Variants in RAD21 observed in about 807,000 individuals in gnomAD.
RAD21 encodes RAD21 cohesin complex component, also known as double-strand-break repair protein rad21 homolog.
A neutral mutation model predicts 71.5 loss-of-function variants in RAD21; 18 were observed. The ratio of observed to expected loss-of-function variants is 0.25; its 90% CI spans 0.17 to 0.37. RAD21 has a LOEUF of 0.37. RAD21 is among the 10% of genes least tolerant of loss of function. The probability of loss-of-function intolerance (pLI) is 1.00; values close to 1 mark genes in which losing one functional copy is unlikely to be tolerated. For missense variants in RAD21, 493 were observed against 769.1 expected (o/e 0.64, Z 4.25); for synonymous variants, 248 against 254.0 (o/e 0.98, Z 0.22).
chr8:116,861,729 T>G (rs916812772), intron 4 of RAD21, 112 bp downstream of exon 4: 7 of 668,376 alleles, frequency 1.0e-5, no homozygotes, highest in Non-Finnish European at 1.8e-5. Flanking sequence ...AATATATATA[T>G]GCATTTTAGC....
intron 3 of RAD21, among the ~76,000 whole-genome samples, chr8:116,862,323 T>C (rs899799358): frequency 3.3e-5 from 5 of 152,112 alleles, no homozygotes; most frequent in South Asian, 2.1e-4. Flanking sequence ...TTTCTTTATC[T>C]TTTTCCTATA....
At position 116,856,288 on chromosome 8, in the gene RAD21, A is replaced by G. The variant is rs752628932; in HGVS notation, c.815T>C (p.Met272Thr). The G allele has an allele frequency of 5.2e-6, 7 of 1,354,842 alleles. No homozygotes were observed. Among genetic ancestry groups the G allele is most frequent in the Non-Finnish European group, 5.7e-6 (6 of 1,058,624 alleles). 83.9% of individuals were successfully genotyped at this position (1,354,842 alleles called of 1,614,324 possible). Reference sequence around the variant, plus strand: ...TGAATCAGGACTATCAGGCCCACCCACTGTAAAAAAAAAAAAAAAAAAAAA... The same window carrying G: ...TGAATCAGGACTATCAGGCCCACCCGCTGTAAAAAAAAAAAAAAAAAAAAA... ...DDMDEDDNVS[M>T]GGPDSPDSVD... The change falls in exon 8 of 14, where the codon ATG becomes ACG. Residue 272 changes from methionine (M) to threonine (T), a missense_variant and splice_region_variant. Physicochemically the swap from Met to Thr is moderately conservative, Grantham distance 81. Around this residue, in one of 5 missense-constraint regions of RAD21, gnomAD observed 165 missense variants for 229.6 expected, o/e 0.72. Transcript: ENST00000297338.
At chr8:116,873,875 A>C (rs74610582) in intron 1 of RAD21, among the ~76,000 whole-genome samples, 107 of 152,318 alleles carry the variant, frequency 7.0e-4, no homozygotes, top group East Asian at 6.9e-3. Flanking sequence ...CGATATCCTT[A>C]ATCACTTTAA....
intron 4 of RAD21, among the ~76,000 whole-genome samples, chr8:116,859,576 G>T (rs548914602): frequency 7.4e-4 from 112 of 151,952 alleles, no homozygotes; most frequent in African/African-American, 2.7e-3. Flanking sequence ...AATTATTTTG[G>T]AGTGCCACAA....
intron 1 of RAD21, among the ~76,000 whole-genome samples, chr8:116,873,248 T>C (rs1342095267): frequency 1.3e-5 from 2 of 150,896 alleles, no homozygotes; most frequent in Admixed American, 6.6e-5. Context: ...AGAAATTCTT[T>C]TGTAATTCTG....
rs1323894024 is a variant in RAD21, at chr8:116,857,317, T to A, written c.638A>T (p.Asp213Val). 1.2e-6 allele frequency: 2 copies of A among 1,611,486 alleles called. No homozygotes were observed. Among genetic ancestry groups the A allele is most frequent in the Non-Finnish European group, 1.7e-6 (2 of 1,179,216 alleles). ...TCCAAAATTATCATCCTTATATTGA[T>A]CTTCATATTCTAAATGGTTAATTTT... ...NEKINHLEYE[D>V]QYKDDNFGEG... Residue 213 changes from aspartate to valine, a missense_variant, in exon 6 of 14, where the codon GAT (aspartate) becomes GTT (valine). Around this residue, in one of 5 missense-constraint regions of RAD21, gnomAD observed 165 missense variants for 229.6 expected, o/e 0.72. Coordinates refer to ENST00000297338, the MANE Select transcript of RAD21 (RefSeq NM_006265.3).
Position 116,874,751 on chromosome 8 carries a change from T to C in RAD21, c.-173A>G. ...GCCGCCGCCACAGCCGGCGCCTCCTTTCCGATTCACTCAAACAAACAAGAT... is the reference window on the plus strand; with the variant it reads ...GCCGCCGCCACAGCCGGCGCCTCCTCTCCGATTCACTCAAACAAACAAGAT... On this transcript the variant is annotated 5_prime_UTR_variant, in exon 1 of 14. Transcript: ENST00000297338. 4.4e-6 allele frequency: 2 copies of C among 455,770 alleles called. No homozygotes were observed. Among genetic ancestry groups the C allele is most frequent in the Non-Finnish European group, 8.8e-6 (2 of 226,398 alleles). 28.2% of individuals were successfully genotyped at this position (455,770 alleles called of 1,614,324 possible). A position where few individuals can be genotyped will look rare whatever the true frequency, so the allele number is the denominator to read the frequency against.
Position 116,856,725 on chromosome 8 carries a change from G to A in RAD21, c.735C>T (p.Pro245=), listed in dbSNP as rs199767556. 465 of 1,573,364 alleles carry A rather than the reference G, an allele frequency of 3.0e-4. 2 individuals are homozygous for A. The highest frequency in any genetic ancestry group is 7.9e-5 in the Non-Finnish European group (92 of 1,158,388). The change falls in exon 7 of 14, where the codon CCC becomes CCT. Residue 245 remains proline, a synonymous_variant. Transcript: ENST00000297338. ...TCACCCCTGCCTCAGAGAGGGCAGG[G>A]GGATCATCAAAGATACCGCCATCAT... is the stretch of plus-strand genomic sequence containing the variant. ...SNNDGGIFDD[P]PALSEAGVML...
At chr8:116,858,951 A>G (rs918756410) in intron 4 of RAD21, among the ~76,000 whole-genome samples, 1 of 148,576 alleles carries the variant, frequency 6.7e-6, no homozygotes, top group African/African-American at 2.6e-5. Flanking sequence ...TAATACCTCA[A>G]AACAACTGAC....
At position 116,854,246 on chromosome 8, in the gene RAD21, T is replaced by C. The variant is rs1812417708; in HGVS notation, c.1160A>G (p.Lys387Arg). ...AQPLWNNRLL[K>R]LFTRCLTPLV... Reference sequence around the variant, plus strand: ...TAAAAATTCTGCAAACTATATTACCTTCAGTAGTCTGTTATTCCACAAAGG... The same window carrying C: ...TAAAAATTCTGCAAACTATATTACCCTCAGTAGTCTGTTATTCCACAAAGG... The change falls in exon 9 of 14, where the codon AAG becomes AGG. Residue 387 changes from lysine (K) to arginine (R), a missense_variant and splice_region_variant. Coordinates refer to ENST00000297338, the MANE Select transcript of RAD21 (RefSeq NM_006265.3). 1 of 1,607,238 alleles carries C rather than the reference T, an allele frequency of 6.2e-7. No homozygotes were observed. Among genetic ancestry groups the C allele is most frequent in the Non-Finnish European group, 8.5e-7 (1 of 1,174,426 alleles).
At chr8:116,855,135 T>TAAA (rs538273075) in intron 8 of RAD21, among the ~76,000 whole-genome samples, 1 of 149,340 alleles carries the variant, frequency 6.7e-6, no homozygotes, top group Non-Finnish European at 1.5e-5. Flanking sequence ...GTTCAACACT[T>TAAA]AAAAAAAAAA....
At chr8:116,872,508 C>CT (rs1342909181) in intron 1 of RAD21, among the ~76,000 whole-genome samples, 10 of 150,786 alleles carry the variant, frequency 6.6e-5, no homozygotes, top group African/African-American at 2.4e-4. Context: ...TGAGGCCTAC[C>CT]TTTTTGTACT....
rs1812440421 is a variant in RAD21, at chr8:116,855,415, A to C, written c.937+751T>G. On this transcript the variant is annotated intron_variant, in intron 8 of 13. Coordinates refer to ENST00000297338, the MANE Select transcript of RAD21 (RefSeq NM_006265.3). ...ATTCAGAAGCAGCCTTCCTCAAATT[A>C]AATAATGTGTCTTGCAATGTTACTT... 2.0e-5 allele frequency among the ~76,000 whole-genome samples: 3 copies of C among 152,214 alleles called. No individual in the cohort carries two copies. The South Asian group carries it at 6.2e-4, about 32-fold the overall frequency.
intron 1 of RAD21, among the ~76,000 whole-genome samples, chr8:116,868,503 AC>A (rs1203409086): frequency 6.6e-6 from 1 of 152,202 alleles, no homozygotes; most frequent in Non-Finnish European, 1.5e-5. Flanking sequence ...TTTCTCTAGG[AC>A]AACTGTCCCG....
chr8:116,863,292 C>A (rs372478233), intron 2 of RAD21, 33 bp from the exon 3 acceptor site: 63 of 1,587,856 alleles, frequency 4.0e-5, no homozygotes, highest in Non-Finnish European at 5.3e-5. Flanking sequence ...ATTCCAAAAC[C>A]TGCATTTCGT....
intron 1 of RAD21, among the ~76,000 whole-genome samples, chr8:116,869,564 GAC>G (rs2130490429): frequency 6.6e-6 from 1 of 152,048 alleles, no homozygotes; most frequent in Non-Finnish European, 1.5e-5. Context: ...TAGCCTGGGT[GAC>G]ACAGCAAGAC....
chr8:116,856,744 C>T lies in RAD21; in HGVS notation c.716G>A (p.Gly239Asp). The change falls in exon 7 of 14, where the codon GGC becomes GAC. Residue 239 changes from glycine to aspartate, a missense_variant. Coordinates refer to ENST00000297338, the MANE Select transcript of RAD21 (RefSeq NM_006265.3). ...GGCAGGGGGATCATCAAAGATACCG[C>T]CATCATTATTACTAATAAGTTTGTC... ...LDDKLISNND[G>D]GIFDDPPALS... The T allele has an allele frequency of 6.5e-7, 1 of 1,548,670 alleles. No individual in the cohort carries two copies. The highest frequency in any genetic ancestry group is 8.7e-7 in the Non-Finnish European group (1 of 1,146,540).
intron 4 of RAD21, among the ~76,000 whole-genome samples, chr8:116,860,141 C>T (rs112789368): frequency 6.6e-6 from 1 of 152,098 alleles, no homozygotes; most frequent in African/African-American, 2.4e-5. Context: ...GAAGGTGTAA[C>T]TAAATTGATG....
intron 12 of RAD21, chr8:116,849,239 T>C: frequency 2.3e-6 from 1 of 425,582 alleles, no homozygotes; most frequent in Non-Finnish European, 4.1e-6. Context: ...AAGTCCTCTA[T>C]GTGCAAGCAA....
Sources: gnomAD v4.1 joint callset for allele counts (sites outside exome capture counted in the v4.1 genomes callset) on GRCh38, gnomAD v4.1.1 for gene constraint, gnomAD v4.1.1 regional missense constraint, MANE v1.5 for transcripts, NCBI Gene and HGNC (gene_info 2026-07-23, HGNC 2026-07-21) for gene names.